Variants in TLL1 observed in about 807,000 individuals in gnomAD.
TLL1 encodes the protein tolloid-like protein 1.
Under a neutral mutation model 128.2 loss-of-function variants are expected in TLL1, and 49 were observed. The ratio of observed to expected loss-of-function variants is 0.38; its 90% CI spans 0.30 to 0.48. The LOEUF (loss-of-function observed/expected upper bound fraction) is 0.48, where lower values mean the gene tolerates loss of function less well. TLL1 is among the 20% of genes least tolerant of loss of function. The probability of loss-of-function intolerance (pLI) is 0.96; values close to 1 mark genes in which losing one functional copy is unlikely to be tolerated. For missense variants in TLL1, 1,123 were observed against 1,242.0 expected (o/e 0.90, Z 1.44); for synonymous variants, 454 against 418.8 (o/e 1.08, Z -1.03).
At chr4:165,916,710 G>A (rs1732791376) in intron 1 of TLL1, among the ~76,000 whole-genome samples, 1 of 152,058 alleles carries the variant, frequency 6.6e-6, no homozygotes. Context: ...TTGTAAATAA[G>A]GAAAGTGATG....
At chr4:165,908,599 A>G (rs900818919) in intron 1 of TLL1, among the ~76,000 whole-genome samples, 2 of 151,782 alleles carry the variant, frequency 1.3e-5, no homozygotes, top group African/African-American at 4.8e-5. Context: ...AAAAAAAAAA[A>G]AAGGGAAGCG....
At chr4:166,093,331 G>A (rs1253253657) in intron 19 of TLL1, among the ~76,000 whole-genome samples, 2 of 152,130 alleles carry the variant, frequency 1.3e-5, no homozygotes, top group African/African-American at 4.8e-5. Flanking sequence ...AAACTTGTGA[G>A]CAAAGGAATC....
At chr4:165,891,680 C>T (rs1026206510) in intron 1 of TLL1, among the ~76,000 whole-genome samples, 3 of 152,166 alleles carry the variant, frequency 2.0e-5, no homozygotes, top group African/African-American at 7.2e-5. Context: ...CTTCATTGTC[C>T]ATATGGCTAT....
chr4:165,899,030 T>C (rs1011061729), intron 1 of TLL1, among the ~76,000 whole-genome samples: 3 of 152,254 alleles, frequency 2.0e-5, no homozygotes, highest in African/African-American at 7.2e-5. Context: ...GTGTCTATAG[T>C]ATTCTCTGAT....
intron 1 of TLL1, among the ~76,000 whole-genome samples, chr4:165,910,735 A>G (rs1732492316): frequency 6.6e-6 from 1 of 152,210 alleles, no homozygotes; most frequent in African/African-American, 2.4e-5. Context: ...GCATTATGTC[A>G]AATAACTACG....
chr4:165,923,424 T>TTTTA (rs1333400224), intron 1 of TLL1, among the ~76,000 whole-genome samples: 2 of 100,116 alleles, frequency 2.0e-5, no homozygotes, highest in African/African-American at 8.8e-5. Flanking sequence ...GGTATACCTT[T>TTTTA]TTTTTTTTTT....
chr4:165,970,909 G>A (rs958672212), intron 1 of TLL1, among the ~76,000 whole-genome samples: 1 of 152,084 alleles, frequency 6.6e-6, no homozygotes. Flanking sequence ...TCTACCTAAT[G>A]GTTATTTTCC....
intron 5 of TLL1, among the ~76,000 whole-genome samples, chr4:165,997,321 C>A (rs1220956047): frequency 6.6e-6 from 1 of 152,020 alleles, no homozygotes; most frequent in Non-Finnish European, 1.5e-5. Context: ...GGTCTTTCAT[C>A]TCATAAAAAA....
At chr4:165,905,777 T>A (rs973731217) in intron 1 of TLL1, among the ~76,000 whole-genome samples, 1 of 152,066 alleles carries the variant, frequency 6.6e-6, no homozygotes, top group Non-Finnish European at 1.5e-5. Context: ...GGATTAGGGG[T>A]TGAAGTGAAG....
At chr4:165,986,760 G>A (rs1736408810) in intron 1 of TLL1, among the ~76,000 whole-genome samples, 1 of 151,926 alleles carries the variant, frequency 6.6e-6, no homozygotes, top group African/African-American at 2.4e-5. Context: ...GTTGATCTGT[G>A]TTTGATATAA....
intron 16 of TLL1, among the ~76,000 whole-genome samples, chr4:166,066,595 T>C (rs1251246867): frequency 6.6e-6 from 1 of 151,982 alleles, no homozygotes; most frequent in East Asian, 1.9e-4. Flanking sequence ...AATTATGTTT[T>C]AATGTTAGGT....
At chr4:166,055,369 A>G in intron 13 of TLL1, 98 bp downstream of exon 13, 1 of 1,038,966 alleles carries the variant, frequency 9.6e-7, no homozygotes, top group Non-Finnish European at 1.5e-6. Context: ...AGTTGTATTG[A>G]AAGTTGAATA....
chr4:165,911,807 G>A (rs1378903412), intron 1 of TLL1, among the ~76,000 whole-genome samples: 1 of 152,018 alleles, frequency 6.6e-6, no homozygotes, highest in East Asian at 1.9e-4. Flanking sequence ...TGTAATTAAT[G>A]GGTCTGTTTA....
At chr4:166,090,265 G>C (rs1468677645) in intron 18 of TLL1, among the ~76,000 whole-genome samples, 1 of 152,018 alleles carries the variant, frequency 6.6e-6, no homozygotes, top group African/African-American at 2.4e-5. Flanking sequence ...CTGGGGAAAG[G>C]AAAGAGCCTT....
At chr4:166,038,122 A>T (rs1379278539) in intron 9 of TLL1, among the ~76,000 whole-genome samples, 1 of 152,198 alleles carries the variant, frequency 6.6e-6, no homozygotes, top group East Asian at 1.9e-4. Flanking sequence ...AAAGGGGAGA[A>T]GCATATACTT....
At chr4:165,989,108 A>T (rs1237154639) in intron 1 of TLL1, among the ~76,000 whole-genome samples, 1 of 152,080 alleles carries the variant, frequency 6.6e-6, no homozygotes, top group Non-Finnish European at 1.5e-5. Flanking sequence ...CTCTTTATTT[A>T]GAATCTCCAT....
intron 5 of TLL1, among the ~76,000 whole-genome samples, chr4:166,003,047 A>C (rs1184110374): frequency 1.3e-5 from 2 of 152,184 alleles, no homozygotes; most frequent in African/African-American, 4.8e-5. Context: ...CAGCTTAACT[A>C]TATGTCTTAG....
At chr4:165,905,593 G>C (rs1237677095) in intron 1 of TLL1, among the ~76,000 whole-genome samples, 3 of 151,942 alleles carry the variant, frequency 2.0e-5, no homozygotes, top group South Asian at 4.2e-4. Flanking sequence ...TATTCACCTC[G>C]TCATCTTCTC....
intron 1 of TLL1, among the ~76,000 whole-genome samples, chr4:165,911,456 G>A (rs904001249): frequency 6.6e-6 from 1 of 152,058 alleles, no homozygotes; most frequent in Admixed American, 6.5e-5. Flanking sequence ...GAACACTTAG[G>A]TTGATTCATA....
Sources: allele counts gnomAD v4.1 joint callset (sites outside exome capture counted in the v4.1 genomes callset), GRCh38; gene constraint gnomAD v4.1.1; transcripts MANE v1.5; gene names NCBI Gene and HGNC (gene_info 2026-07-23, HGNC 2026-07-21).